Variants in CCSER1 observed in about 807,000 individuals in gnomAD.
CCSER1 encodes the protein coiled-coil serine rich protein 1, also known as serine-rich coiled-coil domain-containing protein 1.
In CCSER1, 41 loss-of-function variants were observed where a neutral mutation model predicts 82.0. The observed-to-expected ratio is 0.50, with a 90% CI of 0.39 to 0.65. CCSER1 has a LOEUF of 0.65. CCSER1 is among the 30% of genes least tolerant of loss of function. The pLI is 0.00. For missense variants in CCSER1, 1,119 were observed against 1,064.2 expected (o/e 1.05, Z -0.72); for synonymous variants, 414 against 383.9 (o/e 1.08, Z -0.92).
intron 1 of CCSER1, among the ~76,000 whole-genome samples, chr4:90,179,723 A>G (rs1257952339): frequency 6.6e-6 from 1 of 152,202 alleles, no homozygotes; most frequent in African/African-American, 2.4e-5. Context: ...GTGGATGTCC[A>G]GTAACTTAAC....
At chr4:90,271,860 ATATTTTTTTT>A (rs1458086308) in intron 1 of CCSER1, among the ~76,000 whole-genome samples, 7 of 22,256 alleles carry the variant, frequency 3.1e-4, no homozygotes, top group South Asian at 2.0e-3. Flanking sequence ...ATATATATAT[ATATTTTTTTT>A]TTTTTTTTTT....
intron 1 of CCSER1, among the ~76,000 whole-genome samples, chr4:90,134,840 T>A (rs1400808598): frequency 1.3e-5 from 2 of 152,212 alleles, no homozygotes; most frequent in African/African-American, 4.8e-5. Context: ...TAGCAAAGGA[T>A]ATATTTAAAG....
At chr4:91,085,676 G>A (rs1479864121) in intron 9 of CCSER1, among the ~76,000 whole-genome samples, 2 of 152,052 alleles carry the variant, frequency 1.3e-5, no homozygotes, top group Admixed American at 1.3e-4. Flanking sequence ...TTTCAACAAA[G>A]GGTAGGCAAT....
At chr4:91,360,653 CAG>C (rs1466067656) in intron 10 of CCSER1, among the ~76,000 whole-genome samples, 11 of 151,490 alleles carry the variant, frequency 7.3e-5, no homozygotes, top group African/African-American at 2.2e-4. Context: ...GCCAACAAGA[CAG>C]CCATAACCAC....
At chr4:90,260,043 ATTC>A (rs984554264) in intron 1 of CCSER1, among the ~76,000 whole-genome samples, 1 of 152,124 alleles carries the variant, frequency 6.6e-6, no homozygotes, top group African/African-American at 2.4e-5. Flanking sequence ...ATTAGTACCA[ATTC>A]TTCTTTGAAT....
intron 7 of CCSER1, among the ~76,000 whole-genome samples, chr4:90,771,369 C>G (rs1752135161): frequency 6.6e-6 from 1 of 151,350 alleles, no homozygotes; most frequent in South Asian, 2.1e-4. Flanking sequence ...TGAGGGACCA[C>G]TTTTTAAAAT....
At chr4:90,345,381 T>A (rs2153506996) in intron 3 of CCSER1, among the ~76,000 whole-genome samples, 1 of 152,246 alleles carries the variant, frequency 6.6e-6, no homozygotes, top group East Asian at 1.9e-4. Flanking sequence ...TCATTTGGGA[T>A]GACAAATGCT....
chr4:90,814,520 C>T (rs1758751147), intron 7 of CCSER1, among the ~76,000 whole-genome samples: 2 of 152,284 alleles, frequency 1.3e-5, no homozygotes, highest in South Asian at 4.1e-4. Flanking sequence ...AACTTTTATG[C>T]TCTGCTTCTC....
At chr4:90,453,478 A>G (rs1761759981) in intron 4 of CCSER1, among the ~76,000 whole-genome samples, 1 of 152,214 alleles carries the variant, frequency 6.6e-6, no homozygotes, top group Non-Finnish European at 1.5e-5. Context: ...TTCTGGTTTC[A>G]GAGGATATTG....
At chr4:90,712,763 G>A (rs1404831914) in intron 6 of CCSER1, among the ~76,000 whole-genome samples, 4 of 151,822 alleles carry the variant, frequency 2.6e-5, no homozygotes, top group Non-Finnish European at 5.9e-5. Context: ...ATTATTGTGT[G>A]AGAGTTGAAG....
intron 1 of CCSER1, among the ~76,000 whole-genome samples, chr4:90,264,065 G>A (rs1035181070): frequency 1.3e-5 from 2 of 152,158 alleles, no homozygotes; most frequent in African/African-American, 4.8e-5. Context: ...TTGACTTTTA[G>A]AGCACCATAG....
intron 8 of CCSER1, among the ~76,000 whole-genome samples, chr4:90,867,614 C>CAATCAATAATATT (rs1457625290): frequency 1.2e-4 from 19 of 152,030 alleles, no homozygotes; most frequent in African/African-American, 4.3e-4. Flanking sequence ...CCCTGTTGTG[C>CAATCAATAATATT]TGTCAAATAC....
chr4:91,262,344 AAAT>A (rs1337228653), intron 10 of CCSER1, among the ~76,000 whole-genome samples: 3 of 152,208 alleles, frequency 2.0e-5, no homozygotes, highest in Non-Finnish European at 4.4e-5. Flanking sequence ...ATTATTATTG[AAAT>A]AATAATTTTT....
chr4:90,844,817 TCAA>T (rs759695967), intron 8 of CCSER1, among the ~76,000 whole-genome samples: 11 of 152,184 alleles, frequency 7.2e-5, no homozygotes, highest in African/African-American at 2.2e-4. Flanking sequence ...TTTGCATTGC[TCAA>T]CAACATATTT....
chr4:90,523,674 CATATT>C (rs1343381453), intron 5 of CCSER1, among the ~76,000 whole-genome samples: 2 of 152,046 alleles, frequency 1.3e-5, no homozygotes, highest in Non-Finnish European at 2.9e-5. Flanking sequence ...TGGTTCTACT[CATATT>C]AGCCATTTAA....
intron 1 of CCSER1, among the ~76,000 whole-genome samples, chr4:90,201,244 T>C (rs1277450350): frequency 6.6e-6 from 1 of 152,158 alleles, no homozygotes; most frequent in Non-Finnish European, 1.5e-5. Context: ...CTTGGTGCAA[T>C]AAATCAGCGT....
At chr4:90,948,715 A>G (rs1581178543) in intron 9 of CCSER1, among the ~76,000 whole-genome samples, 1 of 152,034 alleles carries the variant, frequency 6.6e-6, no homozygotes, top group South Asian at 2.1e-4. Context: ...TAAAAAATAG[A>G]ATTAGGTAAA....
At chr4:91,240,075 A>ATTT in intron 10 of CCSER1, among the ~76,000 whole-genome samples, 1 of 44,482 alleles carries the variant, frequency 2.2e-5, no homozygotes, top group African/African-American at 9.6e-5. Context: ...CATAAAATAC[A>ATTT]TTTTTTTTTT....
intron 10 of CCSER1, among the ~76,000 whole-genome samples, chr4:91,141,304 C>A (rs772944424): frequency 4.3e-4 from 66 of 152,128 alleles, no homozygotes; most frequent in Non-Finnish European, 5.7e-4. Context: ...CAGGCACCTG[C>A]CACCACCTGA....
Sources: allele counts gnomAD v4.1 joint callset (sites outside exome capture counted in the v4.1 genomes callset), GRCh38; gene constraint gnomAD v4.1.1; transcripts MANE v1.5; gene names NCBI Gene and HGNC (gene_info 2026-07-23, HGNC 2026-07-21).